The following MAML3 variants were observed in gnomAD, a reference collection of about 807,000 sequenced individuals.
MAML3 encodes the protein mastermind-like protein 3.
In MAML3, 27 loss-of-function variants were observed where a neutral mutation model predicts 101.9. The observed-to-expected ratio is 0.27, with a 90% CI of 0.20 to 0.37. MAML3 has a LOEUF of 0.37. Ranked by LOEUF, MAML3 falls within the 10% of genes least tolerant of loss-of-function variation. The pLI is 1.00. For missense variants in MAML3, 1,316 were observed against 1,444.9 expected (o/e 0.91, Z 1.45); for synonymous variants, 501 against 555.9 (o/e 0.90, Z 1.39).
At chr4:139,842,615 T>C (rs1731380861) in intron 2 of MAML3, among the ~76,000 whole-genome samples, 2 of 151,970 alleles carry the variant, frequency 1.3e-5, no homozygotes, top group Admixed American at 1.3e-4. Flanking sequence ...GCCTCCTGGT[T>C]CAAGTGATTC....
chr4:140,127,148 G>A (rs1728697701), intron 1 of MAML3, among the ~76,000 whole-genome samples: 1 of 152,156 alleles, frequency 6.6e-6, no homozygotes, highest in African/African-American at 2.4e-5. Context: ...ACGTCCTAAT[G>A]CCTTGCCTCT....
At position 140,137,137 on chromosome 4, in the gene MAML3, C is replaced by T. The variant is rs928617075; in HGVS notation, c.468+15723G>A. 9.9e-5 allele frequency among the ~76,000 whole-genome samples: 15 copies of T among 152,144 alleles called. No homozygotes were observed. In the South Asian group the frequency reaches 1.0e-3, roughly 11 times the overall value. On this transcript the variant is annotated intron_variant, in intron 1 of 4. Coordinates refer to ENST00000509479, the MANE Select transcript of MAML3 (RefSeq NM_018717.5). ...CTGAGTAGCTGGGATTACAGGCGCC[C>T]GCCACCGCGCCCGGCTAATTTTTTA...
chr4:139,921,495 G>C lies in MAML3; in HGVS notation c.469-30528C>G, dbSNP rs185584591. On this transcript the variant is annotated intron_variant, in intron 1 of 4. Coordinates refer to ENST00000509479, the MANE Select transcript of MAML3 (RefSeq NM_018717.5). Reference sequence around the variant, plus strand: ...GCTTGCTGGGGCTTGCAGAAAGAGGGAGGGGGGCTGCTGCTTCCCAAAGCC... The same window carrying C: ...GCTTGCTGGGGCTTGCAGAAAGAGGCAGGGGGGCTGCTGCTTCCCAAAGCC... 3.3e-3 allele frequency among the ~76,000 whole-genome samples: 496 copies of C among 152,286 alleles called. 3 individuals are homozygous for C. Among genetic ancestry groups the C allele is most frequent in the African/African-American group, 0.011 (473 of 41,540 alleles).
chr4:139,926,157 G>T (rs1733223405), intron 1 of MAML3, among the ~76,000 whole-genome samples: 1 of 152,162 alleles, frequency 6.6e-6, no homozygotes, highest in Non-Finnish European at 1.5e-5. Context: ...AAAGGATTTT[G>T]CTCACGCTGT....
At chr4:140,101,823 C>G (rs1386959531) in intron 1 of MAML3, among the ~76,000 whole-genome samples, 1 of 151,142 alleles carries the variant, frequency 6.6e-6, no homozygotes, top group Admixed American at 6.6e-5. Flanking sequence ...TTAGTAAATG[C>G]AATTCCACGT....
chr4:140,017,973 A>T (rs1313574347), intron 1 of MAML3, among the ~76,000 whole-genome samples: 1 of 151,932 alleles, frequency 6.6e-6, no homozygotes, highest in Admixed American at 6.6e-5. Flanking sequence ...TTACAACTGC[A>T]TGTGAATCTA....
At chr4:139,782,093 G>A (rs201132441) in intron 2 of MAML3, among the ~76,000 whole-genome samples, 9 of 152,144 alleles carry the variant, frequency 5.9e-5, no homozygotes, top group South Asian at 2.1e-4. Flanking sequence ...TGCCCATCCC[G>A]TAAATCATGA....
At chr4:139,971,530 T>G (rs1423717042) in intron 1 of MAML3, among the ~76,000 whole-genome samples, 1 of 152,214 alleles carries the variant, frequency 6.6e-6, no homozygotes, top group East Asian at 1.9e-4. Context: ...CTTCATAATA[T>G]AAATATGACT....
chr4:139,893,323 A>G (rs1732541226), intron 1 of MAML3, among the ~76,000 whole-genome samples: 1 of 152,062 alleles, frequency 6.6e-6, no homozygotes, highest in African/African-American at 2.4e-5. Context: ...CCCTAGTTAT[A>G]TGTTAGGTGC....
chr4:139,785,355 G>A lies in MAML3; in HGVS notation c.2080-54688C>T, dbSNP rs540174667. Among the ~76,000 whole-genome samples the A allele has an allele frequency of 6.6e-6, 1 of 152,332 alleles. No individual in the cohort carries two copies. Among genetic ancestry groups the A allele is most frequent in the South Asian group, 2.1e-4 (1 of 4,828 alleles). Reference sequence around the variant, plus strand: ...TAGGGCTCTGGGCAGAAAATAAAATGACAGCAGAGCTGTATTCCTAATTCC... The same window carrying A: ...TAGGGCTCTGGGCAGAAAATAAAATAACAGCAGAGCTGTATTCCTAATTCC... On this transcript the variant is annotated intron_variant, in intron 2 of 4. Transcript: ENST00000509479. This position sits in a 1 kb window ranked among gnomAD's most constrained non-coding sequence, Gnocchi z 4.3.
At chr4:139,972,969 A>G (rs1447583445) in intron 1 of MAML3, among the ~76,000 whole-genome samples, 1 of 152,196 alleles carries the variant, frequency 6.6e-6, no homozygotes, top group Admixed American at 6.5e-5. Flanking sequence ...TCTCTTTCAG[A>G]TGAATATACT....
intron 2 of MAML3, among the ~76,000 whole-genome samples, chr4:139,793,656 C>T (rs1328937828): frequency 6.6e-6 from 1 of 152,198 alleles, no homozygotes; most frequent in East Asian, 1.9e-4. Flanking sequence ...GGCTAACTAA[C>T]AGCTTTGCCT....
At chr4:139,916,104 G>A (rs1412495136) in intron 1 of MAML3, among the ~76,000 whole-genome samples, 3 of 152,158 alleles carry the variant, frequency 2.0e-5, no homozygotes, top group Non-Finnish European at 2.9e-5. Flanking sequence ...TAAACAAATT[G>A]CCCAAGGTCA....
At chr4:140,046,769 G>A (rs1727189066) in intron 1 of MAML3, among the ~76,000 whole-genome samples, 1 of 152,112 alleles carries the variant, frequency 6.6e-6, no homozygotes, top group Non-Finnish European at 1.5e-5. Flanking sequence ...AGGAATTTAG[G>A]GTTGGCAACT....
At chr4:140,126,333 C>T (rs766734753) in intron 1 of MAML3, among the ~76,000 whole-genome samples, 5 of 152,138 alleles carry the variant, frequency 3.3e-5, no homozygotes, top group South Asian at 4.1e-4. Flanking sequence ...CTCTTCCATA[C>T]GTTTCATCCA....
At chr4:139,877,647 G>C (rs1412074507) in intron 2 of MAML3, among the ~76,000 whole-genome samples, 3 of 152,156 alleles carry the variant, frequency 2.0e-5, no homozygotes, top group Non-Finnish European at 2.9e-5. Flanking sequence ...ATAAAGCACA[G>C]AGTAGCTATT....
In MAML3 at chr4:140,117,872, C is replaced by A. The variant is rs1033473256; in HGVS notation, c.468+34988G>T. On this transcript the variant is annotated intron_variant, in intron 1 of 4. Transcript: ENST00000509479. ...AAGCACATCAGACAATATCAGAAGT[C>A]AATAGTTCAGATTAAGAAGGAAAGA... Among the ~76,000 whole-genome samples the A allele has an allele frequency of 4.6e-5, 7 of 151,764 alleles. No homozygotes were observed. The East Asian group carries it at 1.3e-3, about 29-fold the overall frequency.
chr4:140,060,378 A>AAAAAAAAAAAAAAAAAAAC (rs1304930604), intron 1 of MAML3, among the ~76,000 whole-genome samples: 1 of 147,288 alleles, frequency 6.8e-6, no homozygotes, highest in African/African-American at 2.5e-5. Flanking sequence ...AAAAAAAAAA[A>AAAAAAAAAAAAAAAAAAAC]AAAAAAAGTC....
chr4:139,987,237 C>G (rs139170810), intron 1 of MAML3, among the ~76,000 whole-genome samples: 1 of 152,168 alleles, frequency 6.6e-6, no homozygotes, highest in Non-Finnish European at 1.5e-5. Context: ...AGAGGGAGGA[C>G]AGTTTATAAA....
Sources: allele counts gnomAD v4.1 joint callset (sites outside exome capture counted in the v4.1 genomes callset), GRCh38; gene constraint gnomAD v4.1.1; non-coding constraint Gnocchi (gnomAD v3.1); transcripts MANE v1.5; gene names NCBI Gene and HGNC (gene_info 2026-07-23, HGNC 2026-07-21).